WWOX: variants seen among roughly 807,000 people sequenced by gnomAD.
WWOX encodes the protein WW domain-containing oxidoreductase.
Under a neutral mutation model 46.2 loss-of-function variants are expected in WWOX, and 69 were observed. That is an observed-to-expected ratio of 1.49 (90% CI 1.23 to 1.82). The LOEUF is 1.82. Ranked by LOEUF, WWOX falls within the 40% of genes most tolerant of loss-of-function variation. The probability of loss-of-function intolerance (pLI) is 0.00; values close to 1 mark genes in which losing one functional copy is unlikely to be tolerated. For missense variants in WWOX, 919 were observed against 542.6 expected (o/e 1.69, Z -6.89); for synonymous variants, 359 against 202.6 (o/e 1.77, Z -6.56).
At chr16:79,189,827 C>T (rs1429991480) in intron 8 of WWOX, among the ~76,000 whole-genome samples, 1 of 145,950 alleles carries the variant, frequency 6.9e-6, no homozygotes, top group Non-Finnish European at 1.5e-5. Context: ...TGGCATCTTG[C>T]AATTGATAGG....
rs909439719 is a variant in WWOX at position 78,581,112 on chromosome 16, CATT to C, written c.1056+148361_1056+148363del. ...TTCTTGGTTATTTTCTGTTCTTAAT[CATT>C]GTTGTATATCCTTAATGCGCAGGAC... is the stretch of plus-strand genomic sequence containing the variant. On this transcript the variant is annotated intron_variant, in intron 8 of 8. Coordinates refer to ENST00000566780, the MANE Select transcript of WWOX (RefSeq NM_016373.4). Among the ~76,000 whole-genome samples the C allele has an allele frequency of 3.7e-4, 56 of 151,818 alleles. 1 individual carries two copies. The highest frequency in any genetic ancestry group is 1.1e-3 in the African/African-American group (47 of 41,326).
intron 8 of WWOX, among the ~76,000 whole-genome samples, chr16:78,590,619 A>C (rs990590125): frequency 5.3e-5 from 8 of 151,398 alleles, no homozygotes; most frequent in African/African-American, 1.7e-4. Flanking sequence ...TTTGTGTGTT[A>C]AGGCAGATGG....
At chr16:79,033,074 T>C (rs1412267838) in intron 8 of WWOX, among the ~76,000 whole-genome samples, 2 of 150,690 alleles carry the variant, frequency 1.3e-5, no homozygotes, top group Non-Finnish European at 3.0e-5. Flanking sequence ...TCCAGCTCCA[T>C]CCATGTTCCT....
chr16:79,119,841 C>A (rs1288159195), intron 8 of WWOX, among the ~76,000 whole-genome samples: 1 of 152,144 alleles, frequency 6.6e-6, no homozygotes, highest in African/African-American at 2.4e-5. Context: ...AGACCCAGAG[C>A]CAGCAAACAA....
At chr16:78,761,770 C>A (rs898283949) in intron 8 of WWOX, among the ~76,000 whole-genome samples, 1 of 152,068 alleles carries the variant, frequency 6.6e-6, no homozygotes, top group Non-Finnish European at 1.5e-5. Context: ...AGGTATTAAC[C>A]CCTTGGTGTG....
intron 8 of WWOX, among the ~76,000 whole-genome samples, chr16:78,504,250 T>G (rs1325511672): frequency 1.3e-5 from 2 of 152,228 alleles, no homozygotes; most frequent in African/African-American, 4.8e-5. Flanking sequence ...AATGGCTCTT[T>G]GGCAAGTCTA....
intron 8 of WWOX, among the ~76,000 whole-genome samples, chr16:78,437,795 T>C (rs1385974080): frequency 2.0e-5 from 3 of 152,232 alleles, no homozygotes; most frequent in African/African-American, 7.2e-5. Context: ...TACTTTCTAA[T>C]AATGAAGTCA....
chr16:78,950,895 T>G (rs2046046400), intron 8 of WWOX, among the ~76,000 whole-genome samples: 1 of 152,156 alleles, frequency 6.6e-6, no homozygotes, highest in African/African-American at 2.4e-5. Flanking sequence ...AGAGGTGTGG[T>G]AGCTGAAGGC....
At chr16:79,055,334 G>T (rs529470103) in intron 8 of WWOX, among the ~76,000 whole-genome samples, 2 of 152,296 alleles carry the variant, frequency 1.3e-5, no homozygotes, top group South Asian at 4.2e-4. Context: ...CTCATTGAGA[G>T]ATAGAGTTGA....
At chr16:78,752,559 C>G (rs993724600) in intron 8 of WWOX, among the ~76,000 whole-genome samples, 4 of 152,178 alleles carry the variant, frequency 2.6e-5, no homozygotes, top group African/African-American at 9.7e-5. Context: ...GTGTGAGCCA[C>G]CATGCCTGGC....
At chr16:78,336,790 C>T (rs1297633761) in intron 5 of WWOX, among the ~76,000 whole-genome samples, 1 of 151,888 alleles carries the variant, frequency 6.6e-6, no homozygotes, top group Admixed American at 6.6e-5. Context: ...TAAGATATTC[C>T]TAGGTTTTTG....
At chr16:78,532,150 A>T (rs2043638615) in intron 8 of WWOX, among the ~76,000 whole-genome samples, 1 of 151,830 alleles carries the variant, frequency 6.6e-6, no homozygotes, top group Non-Finnish European at 1.5e-5. Flanking sequence ...AATGCTAGAG[A>T]CATTCAGCAG....
chr16:78,930,672 T>A (rs909840961), intron 8 of WWOX, among the ~76,000 whole-genome samples: 12 of 151,620 alleles, frequency 7.9e-5, no homozygotes, highest in Admixed American at 2.6e-4. Context: ...TTGCAGTTAA[T>A]CCTATTGAGT....
intron 8 of WWOX, among the ~76,000 whole-genome samples, chr16:78,549,091 T>C (rs1444201193): frequency 6.6e-6 from 1 of 152,186 alleles, no homozygotes; most frequent in Non-Finnish European, 1.5e-5. Flanking sequence ...GGAAAATAAA[T>C]CTCAGCTCTC....
At chr16:78,984,763 C>T (rs932220848) in intron 8 of WWOX, among the ~76,000 whole-genome samples, 5 of 152,174 alleles carry the variant, frequency 3.3e-5, no homozygotes, top group African/African-American at 7.2e-5. Context: ...GTCCTCTTTT[C>T]GTGATTTCCT....
At chr16:78,338,339 A>G (rs961010918) in intron 5 of WWOX, among the ~76,000 whole-genome samples, 1 of 121,782 alleles carries the variant, frequency 8.2e-6, no homozygotes, top group African/African-American at 2.8e-5. Context: ...TTTGAATAGT[A>G]TGTGAAGTCT....
At chr16:78,786,866 G>A (rs895884998) in intron 8 of WWOX, among the ~76,000 whole-genome samples, 1 of 152,180 alleles carries the variant, frequency 6.6e-6, no homozygotes, top group African/African-American at 2.4e-5. Flanking sequence ...ACCACTTTGG[G>A]GCTGGGCGTG....
chr16:79,031,043 A>G (rs2047742654), intron 8 of WWOX, among the ~76,000 whole-genome samples: 1 of 150,878 alleles, frequency 6.6e-6, no homozygotes. Flanking sequence ...CAGTGAGCCG[A>G]GATCGAGTCA....
At position 78,762,626 on chromosome 16, in the gene WWOX, G is replaced by A. The variant is rs149140002; in HGVS notation, c.1056+329874G>A. Among the ~76,000 whole-genome samples, 23 of 152,324 alleles carry A rather than the reference G, an allele frequency of 1.5e-4. No individual in the cohort carries two copies. In the East Asian group the frequency reaches 2.1e-3, roughly 14 times the overall value. ...GGGGCTCGGGGCACAGAGGAGGGGT[G>A]CTTCCCAGGGAGACTGCCCGTTGGA... On this transcript the variant is annotated intron_variant, in intron 8 of 8. Transcript: ENST00000566780.
Sources: allele counts gnomAD v4.1 joint callset (sites outside exome capture counted in the v4.1 genomes callset), GRCh38; gene constraint gnomAD v4.1.1; transcripts MANE v1.5; gene names NCBI Gene and HGNC (gene_info 2026-07-23, HGNC 2026-07-21).